Variants in ROS1 observed in about 807,000 individuals in gnomAD.
The protein encoded by ROS1 is ROS proto-oncogene 1, receptor tyrosine kinase.
In ROS1, 263 loss-of-function variants were observed where a neutral mutation model predicts 273.5. The observed-to-expected ratio is 0.96, with a 90% CI of 0.87 to 1.06. The LOEUF is 1.06. Among genes scored for constraint, ROS1 ranks in the 50% least tolerant of loss-of-function variants. ROS1 has a pLI of 0.00. For synonymous variants in ROS1, 1,008 were observed against 954.1 expected (o/e 1.06, Z -1.04); for missense variants, 2,833 against 2,751.1 (o/e 1.03, Z -0.67).
chr6:117,354,053 C>T (rs565049206), intron 26 of ROS1, among the ~76,000 whole-genome samples: 30 of 152,184 alleles, frequency 2.0e-4, no homozygotes, highest in Admixed American at 7.2e-4. Context: ...AATTTTTCCT[C>T]CAAAGAAAAT....
rs368046040 is a variant in ROS1 at position 117,366,106 on chromosome 6, TTG to T, written c.2765_2766del (p.Thr922AsnfsTer7). On this transcript the variant is annotated frameshift_variant, in exon 19 of 44. Transcript: ENST00000368507. LOFTEE classifies it high-confidence loss of function. ...VLEPARFNQF[T>X]IIQTSLKPLP... ...AGGGGCTTAAGGGATGTCTGAATAA[TTG>T]TGAACTGATTAAATCTGGCTGGTTC... 4 of 1,613,972 alleles carry T rather than the reference TTG, an allele frequency of 2.5e-6. No homozygotes were observed. The African/African-American group carries it at 5.3e-5, about 22-fold the overall frequency.
chr6:117,293,685 TAGAA>T (rs911092799), intron 43 of ROS1, among the ~76,000 whole-genome samples: 5 of 151,684 alleles, frequency 3.3e-5, no homozygotes, highest in South Asian at 2.1e-4. Context: ...ACAAGAAAAA[TAGAA>T]AGGAATCAGA....
intron 18 of ROS1, among the ~76,000 whole-genome samples, chr6:117,370,131 T>TG (rs1388509342): frequency 1.3e-5 from 2 of 152,184 alleles, no homozygotes; most frequent in Non-Finnish European, 2.9e-5. Flanking sequence ...CTCCATGACT[T>TG]GGAGTTTTTC....
chr6:117,392,912 T>C (rs993342823), intron 12 of ROS1, among the ~76,000 whole-genome samples: 8 of 152,264 alleles, frequency 5.3e-5, no homozygotes, highest in Admixed American at 1.3e-4. Context: ...CTCAATCCCA[T>C]GATAAAGAAG....
At chr6:117,403,053 GATTT>G (rs1774082989) in intron 7 of ROS1, 82 bp downstream of exon 7, 1 of 1,457,006 alleles carries the variant, frequency 6.9e-7, no homozygotes, top group South Asian at 1.2e-5. Context: ...GGAAGGAATA[GATTT>G]ATTTCATTGT....
At chr6:117,322,569 C>G (rs1280419410) in intron 35 of ROS1, among the ~76,000 whole-genome samples, 1 of 152,138 alleles carries the variant, frequency 6.6e-6, no homozygotes, top group African/African-American at 2.4e-5. Context: ...TTCCCCTACT[C>G]CCAGCAGAAG....
intron 7 of ROS1, among the ~76,000 whole-genome samples, chr6:117,401,967 T>C (rs1270950759): frequency 1.3e-5 from 2 of 152,146 alleles, no homozygotes; most frequent in Non-Finnish European, 2.9e-5. Context: ...CCCCTGGGCC[T>C]CTCACCTGGG....
rs565465488 is a variant in ROS1 at position 117,339,147 on chromosome 6, C to T, written c.5062-1807G>A. ...CTTGTGGGCCACATGTGGCCCAGGA[C>T]GACTTTGAATGTAGCCCAACCCAAA... is the stretch of plus-strand genomic sequence containing the variant. On this transcript the variant is annotated intron_variant, in intron 31 of 43. Coordinates refer to ENST00000368507, the MANE Select transcript of ROS1 (RefSeq NM_001378902.1). 3.3e-5 allele frequency among the ~76,000 whole-genome samples: 5 copies of T among 152,182 alleles called. No individual in the cohort carries two copies. In the South Asian group the frequency reaches 6.2e-4, roughly 19 times the overall value.
intron 27 of ROS1, 110 bp from the exon 28 acceptor site, chr6:117,344,372 T>C: frequency 2.8e-6 from 2 of 715,580 alleles, no homozygotes; most frequent in Non-Finnish European, 4.5e-6. Flanking sequence ...TTGTAGAGCA[T>C]ACATAACTTT....
intron 32 of ROS1, among the ~76,000 whole-genome samples, chr6:117,329,719 G>A (rs1776922502): frequency 6.6e-6 from 1 of 151,440 alleles, no homozygotes; most frequent in South Asian, 2.1e-4. Context: ...AGGAAGAGCA[G>A]TGAGCCCACC....
intron 26 of ROS1, among the ~76,000 whole-genome samples, chr6:117,355,705 G>T (rs1434114995): frequency 6.6e-6 from 1 of 152,004 alleles, no homozygotes; most frequent in Non-Finnish European, 1.5e-5. Flanking sequence ...CACCTCCTGG[G>T]TTCAAGTGAG....
intron 43 of ROS1, among the ~76,000 whole-genome samples, chr6:117,297,889 G>T (rs1393530602): frequency 2.0e-5 from 3 of 152,076 alleles, no homozygotes; most frequent in Non-Finnish European, 4.4e-5. Flanking sequence ...CAAAGGAAAA[G>T]AAATCATTAT....
chr6:117,336,148 C>T (rs116610807), intron 32 of ROS1, among the ~76,000 whole-genome samples: 1 of 151,286 alleles, frequency 6.6e-6, no homozygotes, highest in Non-Finnish European at 1.5e-5. Flanking sequence ...GAGCATTTTC[C>T]CTCCATTCTT....
At chr6:117,326,550 A>C (rs2128582876) in intron 33 of ROS1, 136 bp from the exon 34 acceptor site, 1 of 554,234 alleles carries the variant, frequency 1.8e-6, no homozygotes, top group East Asian at 3.3e-5. Context: ...TTCCTCTCCC[A>C]TAATCTGGCA....
chr6:117,409,955 T>TC (rs1380459750), intron 4 of ROS1, among the ~76,000 whole-genome samples: 1 of 152,336 alleles, frequency 6.6e-6, no homozygotes, highest in East Asian at 1.9e-4. Flanking sequence ...AAATGATCCT[T>TC]ACTTTTCCCT....
In ROS1 at chr6:117,291,213, T is replaced by G. The variant is rs556886172; in HGVS notation, c.6716-2411A>C. Among the ~76,000 whole-genome samples, 3 of 152,350 alleles carry G rather than the reference T, an allele frequency of 2.0e-5. No homozygotes were observed. The South Asian group carries it at 6.2e-4, about 32-fold the overall frequency. The stretch of plus-strand genomic sequence containing the variant: ...CAGCAATTTCTCTTTTCCTAAAATT[T>G]TATTTCTGTCATGGCCCAGAAATGC... On this transcript the variant is annotated intron_variant, in intron 43 of 43. Coordinates refer to ENST00000368507, the MANE Select transcript of ROS1 (RefSeq NM_001378902.1).
At chr6:117,376,483 T>C (rs186526328) in intron 18 of ROS1, among the ~76,000 whole-genome samples, 52 of 152,244 alleles carry the variant, frequency 3.4e-4, no homozygotes, top group Non-Finnish European at 5.4e-4. Flanking sequence ...AGAGAATGCT[T>C]CCTAAGTCAT....
At chr6:117,356,485 T>C in intron 26 of ROS1, 144 bp downstream of exon 26, 3 of 703,148 alleles carry the variant, frequency 4.3e-6, no homozygotes. Context: ...CAACTTGATT[T>C]GAATTCTGCA....
Position 117,301,013 on chromosome 6 carries a change from C to T in ROS1, c.6676G>A (p.Glu2226Lys), listed in dbSNP as rs1275344272. The T allele has an allele frequency of 6.3e-7, 1 of 1,590,410 alleles. No homozygotes were observed. Among genetic ancestry groups the T allele is most frequent in the Non-Finnish European group, 8.5e-7 (1 of 1,171,050 alleles). Residue 2226 changes from glutamate (E) to lysine (K), a missense_variant, in exon 43 of 44, where the codon GAA becomes AAA. Transcript: ENST00000368507. ...FLNSIYKSRD[E>K]ANNSGVINES... ...TTTATGACTCCACTGTTGTTTGCTTCATCTCTGGACTTATAAATGCTATTT... is the reference window on the plus strand; with the variant it reads ...TTTATGACTCCACTGTTGTTTGCTTTATCTCTGGACTTATAAATGCTATTT...
Sources: gnomAD v4.1 joint callset for allele counts (sites outside exome capture counted in the v4.1 genomes callset) on GRCh38, gnomAD v4.1.1 for gene constraint, MANE v1.5 for transcripts, NCBI Gene and HGNC (gene_info 2026-07-23, HGNC 2026-07-21) for gene names.